Variants in ITSN2 observed in about 807,000 individuals in gnomAD.
ITSN2 encodes intersectin-2.
A neutral mutation model predicts 243.7 loss-of-function variants in ITSN2; 156 were observed. That is an observed-to-expected ratio of 0.64 (90% CI 0.56 to 0.73). ITSN2 has a LOEUF of 0.73. Among genes scored for constraint, ITSN2 ranks in the 30% least tolerant of loss-of-function variants. ITSN2 has a pLI of 0.00. For missense variants in ITSN2, 1,801 were observed against 1,996.1 expected (o/e 0.90, Z 1.86); for synonymous variants, 703 against 699.9 (o/e 1.00, Z -0.07).
At chr2:24,208,342 C>G (rs760683046) in intron 36 of ITSN2, 23 bp from the exon 37 acceptor site, 4 of 1,597,782 alleles carry the variant, frequency 2.5e-6, no homozygotes, top group Admixed American at 1.7e-5. Context: ...CAGGGGCAGC[C>G]GTTGGCCGCA....
At chr2:24,271,510 A>G (rs1677343298) in intron 19 of ITSN2, among the ~76,000 whole-genome samples, 1 of 152,136 alleles carries the variant, frequency 6.6e-6, no homozygotes, top group Non-Finnish European at 1.5e-5. Context: ...AATTATGAAA[A>G]CCATGTCTGA....
At position 24,221,040 on chromosome 2, in the gene ITSN2, T is replaced by C. The variant is rs944309934; in HGVS notation, c.3604A>G (p.Thr1202Ala). 1 of 1,608,076 alleles carries C rather than the reference T, an allele frequency of 6.2e-7. No individual in the cohort carries two copies. Among genetic ancestry groups the C allele is most frequent in the Non-Finnish European group, 8.5e-7 (1 of 1,178,092 alleles). Reference protein sequence around the residue: ...QWCADLQTLDTMQPIERKRQG... With the variant: ...QWCADLQTLDAMQPIERKRQG... ...CTTTTCCTCTCAATTGGCTGCATTG[T>C]GTCCAGGGTTTGCAGATCAGCACAC... is the stretch of plus-strand genomic sequence containing the variant. Residue 1202 changes from threonine (T) to alanine (A), a missense_variant, in exon 30 of 40, where the codon ACA becomes GCA. Transcript: ENST00000355123.
intron 28 of ITSN2, 30 bp downstream of exon 28, chr2:24,246,767 A>C (rs1215793477): frequency 7.5e-7 from 1 of 1,333,748 alleles, no homozygotes; most frequent in Non-Finnish European, 1.1e-6. Context: ...ACTCCTCTAA[A>C]ATGAAATACA....
chr2:24,257,207 C>A (rs1450617391), intron 23 of ITSN2, among the ~76,000 whole-genome samples: 1 of 152,004 alleles, frequency 6.6e-6, no homozygotes, highest in Non-Finnish European at 1.5e-5. Context: ...GTGGTCCCAG[C>A]TAGCCGGGAA....
chr2:24,267,650 G>A (rs981500090), intron 20 of ITSN2, among the ~76,000 whole-genome samples: 2 of 152,122 alleles, frequency 1.3e-5, no homozygotes, highest in Non-Finnish European at 2.9e-5. Flanking sequence ...GACCTCCTGG[G>A]CTCAAGTGAT....
rs960515334 is a variant in ITSN2, at chr2:24,252,617, A to G, written c.2954-106T>C. Reference sequence around the variant, plus strand: ...ACATTGTATAAGTTTGCTGTAAAAGACCTTGTGCCTTCAGGAAACCTAACA... The same window carrying G: ...ACATTGTATAAGTTTGCTGTAAAAGGCCTTGTGCCTTCAGGAAACCTAACA... On this transcript the variant is annotated intron_variant, in intron 24 of 39. Transcript: ENST00000355123. 19 of 643,608 alleles carry G rather than the reference A, an allele frequency of 3.0e-5. No homozygotes were observed. The Middle Eastern group carries it at 1.4e-3, about 47-fold the overall frequency. The allele number at this position is 643,608 out of a possible 1,614,324, so 39.9% of individuals were successfully genotyped here. A position where few individuals can be genotyped will look rare whatever the true frequency, so the allele number is the denominator to read the frequency against.
chr2:24,237,764 T>C (rs1443249267), intron 29 of ITSN2, among the ~76,000 whole-genome samples: 1 of 152,128 alleles, frequency 6.6e-6, no homozygotes, highest in Non-Finnish European at 1.5e-5. Context: ...TTGCTCCACC[T>C]TGGGTGCATA....
At chr2:24,206,515 C>T (rs1668898602) in intron 37 of ITSN2, among the ~76,000 whole-genome samples, 2 of 149,600 alleles carry the variant, frequency 1.3e-5, no homozygotes, top group South Asian at 4.3e-4. Context: ...GCCTGGCATT[C>T]ATGTGGAGGC....
intron 1 of ITSN2, among the ~76,000 whole-genome samples, chr2:24,357,644 AAC>A (rs1326146194): frequency 7.9e-5 from 12 of 152,314 alleles, no homozygotes; most frequent in East Asian, 3.9e-4. Flanking sequence ...TTTCTTCAAA[AAC>A]AGTTTTTTCA....
chr2:24,260,308 T>C lies in ITSN2; in HGVS notation c.2682+798A>G, dbSNP rs529839637. 2.0e-5 allele frequency among the ~76,000 whole-genome samples: 3 copies of C among 152,276 alleles called. No individual in the cohort carries two copies. In the South Asian group the frequency reaches 6.2e-4, roughly 32 times the overall value. The stretch of plus-strand genomic sequence containing the variant: ...TGGAACCTATGGCCATGGCATTTTT[T>C]GAGTGAAGGTGAAATCTGGAGGACT... On this transcript the variant is annotated intron_variant, in intron 22 of 39. Transcript: ENST00000355123.
intron 1 of ITSN2, among the ~76,000 whole-genome samples, chr2:24,334,067 T>A (rs12473424): frequency 6.6e-6 from 1 of 150,796 alleles, no homozygotes; most frequent in Non-Finnish European, 1.5e-5. Flanking sequence ...TTTTTTTTTT[T>A]CTTTTTTTTG....
intron 30 of ITSN2, among the ~76,000 whole-genome samples, chr2:24,220,114 A>G (rs1670305554): frequency 6.6e-6 from 1 of 152,204 alleles, no homozygotes; most frequent in Admixed American, 6.5e-5. Flanking sequence ...GAGTGAATCC[A>G]GGGCAGGGCT....
chr2:24,225,431 C>T lies in ITSN2; in HGVS notation c.3578-4365G>A, dbSNP rs1349055787. Among the ~76,000 whole-genome samples the T allele has an allele frequency of 4.6e-5, 7 of 152,194 alleles. No homozygotes were observed. The highest frequency in any genetic ancestry group is 1.2e-4 in the African/African-American group (5 of 41,440). On this transcript the variant is annotated intron_variant, in intron 29 of 39. Coordinates refer to ENST00000355123, the MANE Select transcript of ITSN2 (RefSeq NM_006277.3). This position sits in a 1 kb window ranked among gnomAD's most constrained non-coding sequence, Gnocchi z 4.2. ...CCCGACACTGCTCTCGGGAAGGTAT[C>T]GATGACCTTGGCATTGCCAAGTTCA...
At chr2:24,245,744 T>C (rs966377543) in intron 29 of ITSN2, among the ~76,000 whole-genome samples, 3 of 152,210 alleles carry the variant, frequency 2.0e-5, no homozygotes, top group Non-Finnish European at 1.5e-5. Flanking sequence ...CCTCCCAAAG[T>C]GCTGGGATTA....
At chr2:24,359,211 T>C (rs1348767594) in intron 1 of ITSN2, among the ~76,000 whole-genome samples, 2 of 152,204 alleles carry the variant, frequency 1.3e-5, no homozygotes, top group Non-Finnish European at 2.9e-5. Flanking sequence ...TTATCACTGA[T>C]TAACAATATA....
chr2:24,270,846 C>A (rs1395096752), intron 19 of ITSN2, 78 bp from the exon 20 acceptor site: 12 of 751,450 alleles, frequency 1.6e-5, no homozygotes, highest in Admixed American at 5.2e-5. Flanking sequence ...AGCTCTAAAA[C>A]CTAAAAGAAA....
rs201002598 is a variant in ITSN2 at position 24,254,444 on chromosome 2, T to TAAAC, written c.2889-17_2889-14dup. On this transcript the variant is annotated splice_polypyrimidine_tract_variant and intron_variant, in intron 23 of 39. Transcript: ENST00000355123. ...CAAAGCTTCTGGTCTACCAAATATATAAACAAACAAACAAACAAACAAACA... is the reference window on the plus strand; with the variant it reads ...CAAAGCTTCTGGTCTACCAAATATATAAACAAACAAACAAACAAACAAACAAACA... The TAAAC allele has an allele frequency of 6.3e-4, 1,006 of 1,588,444 alleles. 1 individual carries two copies. The highest frequency in any genetic ancestry group is 1.2e-3 in the Middle Eastern group (7 of 6,014).
At chr2:24,330,916 G>A (rs1487396952) in intron 1 of ITSN2, among the ~76,000 whole-genome samples, 7 of 149,130 alleles carry the variant, frequency 4.7e-5, no homozygotes, top group African/African-American at 1.5e-4. Context: ...ACAGGCAGGC[G>A]CCACCACACC....
At chr2:24,213,320 G>A (rs144108332) in intron 32 of ITSN2, among the ~76,000 whole-genome samples, 6 of 152,212 alleles carry the variant, frequency 3.9e-5, no homozygotes, top group Non-Finnish European at 7.4e-5. Flanking sequence ...TTCCACACCC[G>A]ATTTGTGAAC....
Sources: allele counts gnomAD v4.1 joint callset (sites outside exome capture counted in the v4.1 genomes callset), GRCh38; gene constraint gnomAD v4.1.1; non-coding constraint Gnocchi (gnomAD v3.1); transcripts MANE v1.5; gene names NCBI Gene and HGNC (gene_info 2026-07-23, HGNC 2026-07-21).